Variants in PEBP4 observed in about 807,000 individuals in gnomAD.
The protein encoded by PEBP4 is phosphatidylethanolamine binding protein 4.
PEBP4 carries 22 observed loss-of-function variants against 23.9 expected under a neutral mutation model. The observed-to-expected ratio is 0.92, with a 90% CI of 0.66 to 1.31. The LOEUF (loss-of-function observed/expected upper bound fraction) is 1.31, where lower values mean the gene tolerates loss of function less well. Ranked by LOEUF, PEBP4 falls within the 40% of genes most tolerant of loss-of-function variation. The pLI is 0.00. For missense variants in PEBP4, 324 were observed against 281.7 expected (o/e 1.15, Z -1.07); for synonymous variants, 112 against 99.3 (o/e 1.13, Z -0.76).
chr8:22,855,384 C>A (rs1434890503), intron 3 of PEBP4, among the ~76,000 whole-genome samples: 2 of 152,162 alleles, frequency 1.3e-5, no homozygotes, highest in African/African-American at 4.8e-5. Flanking sequence ...CAGATGAGAT[C>A]TCTAGGGGTG....
chr8:22,726,287 C>T (rs1020444246), intron 5 of PEBP4, among the ~76,000 whole-genome samples: 1 of 152,178 alleles, frequency 6.6e-6, no homozygotes, highest in Non-Finnish European at 1.5e-5. Context: ...GTATGGAGGG[C>T]AGATGGGACA....
intron 3 of PEBP4, among the ~76,000 whole-genome samples, chr8:22,909,542 A>G (rs1238152985): frequency 6.6e-6 from 1 of 152,160 alleles, no homozygotes; most frequent in Non-Finnish European, 1.5e-5. Flanking sequence ...GAGGAGTCTC[A>G]CAACCCACTC....
intron 3 of PEBP4, among the ~76,000 whole-genome samples, chr8:22,823,183 G>C (rs1028484642): frequency 6.6e-6 from 1 of 151,852 alleles, no homozygotes; most frequent in Non-Finnish European, 1.5e-5. Flanking sequence ...CTACATGATA[G>C]TTATAATTTA....
chr8:22,841,766 G>A (rs1045472330), intron 3 of PEBP4, among the ~76,000 whole-genome samples: 2 of 152,252 alleles, frequency 1.3e-5, no homozygotes, highest in Non-Finnish European at 2.9e-5. Context: ...GCTACAGACT[G>A]TTCCCTAAAG....
intron 3 of PEBP4, among the ~76,000 whole-genome samples, chr8:22,864,313 C>T (rs751215830): frequency 6.6e-6 from 1 of 152,174 alleles, no homozygotes; most frequent in African/African-American, 2.4e-5. Context: ...ATAACATTCT[C>T]GGCAGAAACA....
chr8:22,795,110 T>TA (rs1462803918), intron 4 of PEBP4, among the ~76,000 whole-genome samples: 4 of 84,146 alleles, frequency 4.8e-5, no homozygotes, highest in South Asian at 4.8e-4. Context: ...TTTAAATTAT[T>TA]TTATATATAT....
chr8:22,767,012 G>T (rs1805625323), intron 4 of PEBP4, among the ~76,000 whole-genome samples: 1 of 152,274 alleles, frequency 6.6e-6, no homozygotes, highest in Non-Finnish European at 1.5e-5. Flanking sequence ...GGGGTCTAGA[G>T]TGTGCTGCAG....
chr8:22,792,816 G>T (rs1481196666), intron 4 of PEBP4, among the ~76,000 whole-genome samples: 10 of 138,440 alleles, frequency 7.2e-5, no homozygotes, highest in Admixed American at 1.4e-4. Flanking sequence ...TGTACAGGGT[G>T]CCATGGGGCA....
intron 3 of PEBP4, among the ~76,000 whole-genome samples, chr8:22,817,995 A>G (rs1213882833): frequency 6.6e-6 from 1 of 152,214 alleles, no homozygotes; most frequent in African/African-American, 2.4e-5. Context: ...ATACATACCA[A>G]GCACCTGGGA....
In PEBP4 at chr8:22,793,195, C is replaced by T. The variant is rs560918068; in HGVS notation, c.357+24442G>A. 2.0e-5 allele frequency among the ~76,000 whole-genome samples: 3 copies of T among 152,218 alleles called. No homozygotes were observed. The South Asian group carries it at 6.2e-4, about 32-fold the overall frequency. On this transcript the variant is annotated intron_variant, in intron 4 of 6. Transcript: ENST00000256404. ...TTACTTTTCATTTGCTTTTTCTTTT[C>T]ATGTAAAAAATGGCACAATTATTTT...
intron 3 of PEBP4, among the ~76,000 whole-genome samples, chr8:22,896,452 G>T (rs1354126635): frequency 1.3e-5 from 2 of 151,988 alleles, no homozygotes; most frequent in African/African-American, 4.8e-5. Context: ...CAGTGATGGG[G>T]TTCCTTCCAC....
chr8:22,717,895 G>A (rs528468273), intron 6 of PEBP4, among the ~76,000 whole-genome samples: 13 of 152,158 alleles, frequency 8.5e-5, no homozygotes, highest in Admixed American at 2.6e-4. Flanking sequence ...TCACGGGACC[G>A]GCCACATTGA....
chr8:22,840,336 A>G (rs902647494), intron 3 of PEBP4, among the ~76,000 whole-genome samples: 19 of 151,664 alleles, frequency 1.3e-4, no homozygotes, highest in Non-Finnish European at 7.4e-5. Context: ...TGAAAATGTG[A>G]CCCTATTGGC....
intron 4 of PEBP4, among the ~76,000 whole-genome samples, chr8:22,756,722 G>A (rs535594218): frequency 2.0e-5 from 3 of 152,336 alleles, no homozygotes; most frequent in African/African-American, 7.2e-5. Flanking sequence ...CCTGGGTAAG[G>A]GAGAAGAAAG....
chr8:22,772,477 TTCTC>T (rs1318831599), intron 4 of PEBP4, among the ~76,000 whole-genome samples: 10 of 145,234 alleles, frequency 6.9e-5, no homozygotes, highest in East Asian at 6.0e-4. Context: ...AGGGCAGGTA[TTCTC>T]TCTCTCTCTC....
chr8:22,740,990 G>A (rs1403317718), intron 4 of PEBP4, among the ~76,000 whole-genome samples: 1 of 152,176 alleles, frequency 6.6e-6, no homozygotes, highest in Non-Finnish European at 1.5e-5. Flanking sequence ...AGGAGGGAGG[G>A]TTGCTTGTCC....
chr8:22,718,245 T>C (rs1232802971), intron 6 of PEBP4, among the ~76,000 whole-genome samples: 1 of 152,114 alleles, frequency 6.6e-6, no homozygotes, highest in African/African-American at 2.4e-5. Flanking sequence ...TGGTTCTAAT[T>C]ATCCAGCCAG....
upstream of PEBP4, among the ~76,000 whole-genome samples, chr8:22,930,247 C>G (rs1809433725): frequency 6.6e-6 from 1 of 152,172 alleles, no homozygotes. Flanking sequence ...AGGCACTGAC[C>G]CTGCTTCCCA....
intron 3 of PEBP4, among the ~76,000 whole-genome samples, chr8:22,867,214 T>A (rs556918645): frequency 0.018 from 2,666 of 152,284 alleles, 31 homozygotes; most frequent in Middle Eastern, 0.058. Context: ...TAAATCTTTT[T>A]CTATCTTTGG....
Sources: gnomAD v4.1 joint callset for allele counts (sites outside exome capture counted in the v4.1 genomes callset) on GRCh38, gnomAD v4.1.1 for gene constraint, MANE v1.5 for transcripts, NCBI Gene and HGNC (gene_info 2026-07-23, HGNC 2026-07-21) for gene names.